The following EVC variants were observed in gnomAD, a reference collection of about 807,000 sequenced individuals.
EVC encodes the protein EvC ciliary complex subunit 1, also known as evC complex member EVC.
A neutral mutation model predicts 118.9 loss-of-function variants in EVC; 116 were observed. The ratio of observed to expected loss-of-function variants is 0.98; its 90% CI spans 0.84 to 1.14. The LOEUF (loss-of-function observed/expected upper bound fraction) is 1.14, where lower values mean the gene tolerates loss of function less well. Ranked by LOEUF, EVC falls within the 50% of genes most tolerant of loss-of-function variation. The pLI, the probability that EVC is intolerant of heterozygous loss-of-function variation, is 0.00. For synonymous variants in EVC, 619 were observed against 534.7 expected, an observed-to-expected ratio of 1.16 and a Z score of -2.18; for missense variants, 1,401 against 1,246.4, an observed-to-expected ratio of 1.12 and a Z score of -1.87.
chr4:5,748,419 A>G, intron 8 of EVC, 113 bp downstream of exon 8: 1 of 1,180,336 alleles, frequency 8.5e-7, no homozygotes, highest in Non-Finnish European at 1.2e-6. Flanking sequence ...GGTTATATAG[A>G]GCCTCAGGGA....
At chr4:5,807,552 G>A (rs563831898) in intron 17 of EVC, among the ~76,000 whole-genome samples, 1 of 152,202 alleles carries the variant, frequency 6.6e-6, no homozygotes, top group Non-Finnish European at 1.5e-5. Flanking sequence ...GGATTTGGAT[G>A]TTCCTGACTG....
At chr4:5,747,410 CCT>C (rs774875885) in intron 7 of EVC, among the ~76,000 whole-genome samples, 5 of 152,184 alleles carry the variant, frequency 3.3e-5, no homozygotes, top group Non-Finnish European at 7.3e-5. Flanking sequence ...GGGTCCATGA[CCT>C]CTGACAAGTG....
In EVC at chr4:5,756,420, AC is replaced by A. The variant is rs1731185737; in HGVS notation, c.1563+60del. 7.0e-6 allele frequency: 10 copies of A among 1,432,526 alleles called. No individual in the cohort carries two copies. The highest frequency in any genetic ancestry group is 8.7e-6 in the Non-Finnish European group (9 of 1,034,936). The allele number at this position is 1,432,526 out of a possible 1,614,324, so 88.7% of individuals were successfully genotyped here. On this transcript the variant is annotated intron_variant, in intron 11 of 20. Coordinates refer to ENST00000264956, the MANE Select transcript of EVC (RefSeq NM_153717.3). This position sits in a 1 kb window ranked among gnomAD's most constrained non-coding sequence, Gnocchi z 4.2. The stretch of plus-strand genomic sequence containing the variant: ...CCCCAGGGTCTGTGTGTGTGCGAGA[AC>A]CTCACATCCTCCTGGCTGGGGACCC...
chr4:5,797,479 T>C, intron 14 of EVC: 1 of 582,222 alleles, frequency 1.7e-6, no homozygotes, highest in Non-Finnish European at 3.1e-6. Flanking sequence ...CCGCTTTGAT[T>C]CTGAGACCGC....
At position 5,801,877 on chromosome 4, in the gene EVC, G is replaced by C. The variant is rs1043162684; in HGVS notation, c.2305-73G>C. 2.6e-6 allele frequency: 4 copies of C among 1,546,332 alleles called. No homozygotes were observed. In the African/African-American group the frequency reaches 5.4e-5, roughly 21 times the overall value. On this transcript the variant is annotated intron_variant, in intron 15 of 20. Coordinates refer to ENST00000264956, the MANE Select transcript of EVC (RefSeq NM_153717.3). ...ATCTGAACCAGGGCATGGGGAGGCA[G>C]GGACTGGATGGGCCGTGGGTGGCTC... is the stretch of plus-strand genomic sequence containing the variant.
intron 12 of EVC, among the ~76,000 whole-genome samples, chr4:5,785,739 T>G (rs1216249677): frequency 6.6e-6 from 1 of 152,232 alleles, no homozygotes; most frequent in African/African-American, 2.4e-5. Flanking sequence ...ATGGTAAATG[T>G]TCAGGAAAAC....
At chr4:5,778,648 G>A (rs1183339434) in intron 11 of EVC, among the ~76,000 whole-genome samples, 2 of 152,154 alleles carry the variant, frequency 1.3e-5, no homozygotes, top group African/African-American at 2.4e-5. Context: ...CTTTTGAGAA[G>A]TGTCTGTTCA....
chr4:5,744,835 G>T (rs1315195259), intron 6 of EVC, among the ~76,000 whole-genome samples: 1 of 152,134 alleles, frequency 6.6e-6, no homozygotes, highest in Non-Finnish European at 1.5e-5. Context: ...GCCCTGGGGT[G>T]TTGTTCTTTC....
rs1728797981 is a variant in EVC at position 5,742,713 on chromosome 4, C to T, written c.801+899C>T. Reference sequence around the variant, plus strand: ...GCATTCTCATTACTACCATCACCGCCATCATCATCTTCATTACCACCATAA... The same window carrying T: ...GCATTCTCATTACTACCATCACCGCTATCATCATCTTCATTACCACCATAA... On this transcript the variant is annotated intron_variant, in intron 6 of 20. Coordinates refer to ENST00000264956, the MANE Select transcript of EVC (RefSeq NM_153717.3). This position sits in a 1 kb window ranked among gnomAD's most constrained non-coding sequence, Gnocchi z 5.2. Among the ~76,000 whole-genome samples, 1 of 152,162 alleles carries T rather than the reference C, an allele frequency of 6.6e-6. No homozygotes were observed. Among genetic ancestry groups the T allele is most frequent in the Admixed American group, 6.5e-5 (1 of 15,278 alleles).
At chr4:5,817,946 A>C (rs2152416983), downstream of EVC, among the ~76,000 whole-genome samples, 1 of 152,302 alleles carries the variant, frequency 6.6e-6, no homozygotes, top group Admixed American at 6.5e-5. Context: ...CTCACTTTTT[A>C]AGAGTCAATA....
At chr4:5,804,122 G>A (rs1445574943) in intron 16 of EVC, among the ~76,000 whole-genome samples, 1 of 152,116 alleles carries the variant, frequency 6.6e-6, no homozygotes, top group East Asian at 1.9e-4. Flanking sequence ...ACTTTTAGTA[G>A]AGACAGGGTT....
intron 11 of EVC, among the ~76,000 whole-genome samples, chr4:5,768,569 A>T (rs1424087804): frequency 2.0e-5 from 3 of 152,148 alleles, no homozygotes; most frequent in Non-Finnish European, 2.9e-5. Flanking sequence ...CTCAAAATGT[A>T]TTCTCGGCTG....
chr4:5,765,634 A>G (rs1732746099), intron 11 of EVC, among the ~76,000 whole-genome samples: 1 of 128,848 alleles, frequency 7.8e-6, no homozygotes, highest in African/African-American at 3.0e-5. Context: ...TTCTTGTTGA[A>G]TTGATCCCTT....
chr4:5,720,741 C>T (rs938924637), intron 2 of EVC, among the ~76,000 whole-genome samples: 2 of 152,166 alleles, frequency 1.3e-5, no homozygotes, highest in African/African-American at 2.4e-5. Context: ...GCTGCTATCC[C>T]GGGACATGGC....
intron 11 of EVC, among the ~76,000 whole-genome samples, chr4:5,770,104 G>A (rs1223713582): frequency 6.6e-6 from 1 of 152,084 alleles, no homozygotes; most frequent in Non-Finnish European, 1.5e-5. Flanking sequence ...GTCCTCTCCT[G>A]GTGGAGCTGA....
At chr4:5,775,657 C>G (rs746749047) in intron 11 of EVC, among the ~76,000 whole-genome samples, 1 of 152,172 alleles carries the variant, frequency 6.6e-6, no homozygotes, top group African/African-American at 2.4e-5. Flanking sequence ...TGTATAAATA[C>G]ACTGCCATAC....
chr4:5,781,348 G>C (rs1412635612), intron 11 of EVC, among the ~76,000 whole-genome samples: 1 of 152,148 alleles, frequency 6.6e-6, no homozygotes, highest in African/African-American at 2.4e-5. Context: ...TGGTCTAGGG[G>C]AATGACAGAT....
downstream of EVC, among the ~76,000 whole-genome samples, chr4:5,816,226 C>T (rs969887913): frequency 2.0e-5 from 3 of 152,184 alleles, no homozygotes; most frequent in African/African-American, 7.2e-5. Context: ...AGTCCAGCCG[C>T]TGGACTTAGT....
At chr4:5,802,447 G>C (rs1162844692) in intron 16 of EVC, among the ~76,000 whole-genome samples, 4 of 152,130 alleles carry the variant, frequency 2.6e-5, no homozygotes, top group Admixed American at 2.6e-4. Context: ...CACAGACCAG[G>C]GTGAGAGGGA....
Sources: allele counts gnomAD v4.1 joint callset (sites outside exome capture counted in the v4.1 genomes callset), GRCh38; gene constraint gnomAD v4.1.1; non-coding constraint Gnocchi (gnomAD v3.1); transcripts MANE v1.5; gene names NCBI Gene and HGNC (gene_info 2026-07-23, HGNC 2026-07-21).